Variants in HDAC4 observed in about 807,000 individuals in gnomAD.
The protein encoded by HDAC4 is histone deacetylase A.
HDAC4 carries 16 observed loss-of-function variants against 135.1 expected under a neutral mutation model. That is an observed-to-expected ratio of 0.12 (90% CI 0.08 to 0.18). The LOEUF is 0.18. Among genes scored for constraint, HDAC4 ranks in the 10% least tolerant of loss-of-function variants. HDAC4 has a pLI of 1.00. For missense variants in HDAC4, 1,143 were observed against 1,511.8 expected, an observed-to-expected ratio of 0.76 and a Z score of 4.05; for synonymous variants, 685 against 653.4, an observed-to-expected ratio of 1.05 and a Z score of -0.74.
chr2:239,111,023 CACAG>C (rs1294355477), intron 14 of HDAC4, among the ~76,000 whole-genome samples: 3 of 152,240 alleles, frequency 2.0e-5, no homozygotes, highest in Non-Finnish European at 4.4e-5. Context: ...TGAGGGATGG[CACAG>C]ACAGAGGACG....
chr2:239,212,634 G>A (rs1039000311), intron 3 of HDAC4, among the ~76,000 whole-genome samples: 1 of 152,222 alleles, frequency 6.6e-6, no homozygotes, highest in Non-Finnish European at 1.5e-5. Context: ...CAGGCTTGGT[G>A]CTATCAGGCT....
intron 13 of HDAC4, among the ~76,000 whole-genome samples, 153 bp from the exon 14 acceptor site, chr2:239,111,865 C>G (rs1207636975): frequency 6.6e-6 from 1 of 152,236 alleles, no homozygotes; most frequent in Non-Finnish European, 1.5e-5. Context: ...GTGGAGAGGC[C>G]TTCCCTGTGA....
At chr2:239,316,106 A>C (rs574653992) in intron 2 of HDAC4, among the ~76,000 whole-genome samples, 14 of 152,348 alleles carry the variant, frequency 9.2e-5, no homozygotes, top group African/African-American at 3.4e-4. Flanking sequence ...TTACAAACTG[A>C]AATATCCTTC....
At chr2:239,294,231 C>T (rs1444329175) in intron 2 of HDAC4, among the ~76,000 whole-genome samples, 1 of 152,144 alleles carries the variant, frequency 6.6e-6, no homozygotes, top group Non-Finnish European at 1.5e-5. Flanking sequence ...ACAAGGACCG[C>T]AATCACCAGG....
chr2:239,298,340 G>A, intron 2 of HDAC4: 5 of 1,209,820 alleles, frequency 4.1e-6, no homozygotes, highest in Non-Finnish European at 5.2e-6. Flanking sequence ...GATGAGAGAA[G>A]ATGCTTCCAG....
chr2:239,113,319 A>G (rs956239313), intron 13 of HDAC4, among the ~76,000 whole-genome samples: 2 of 152,140 alleles, frequency 1.3e-5, no homozygotes, highest in Non-Finnish European at 2.9e-5. Flanking sequence ...AGACAGTGGG[A>G]GGAGCTGCAG....
At position 239,094,342 on chromosome 2, in the gene HDAC4, G is replaced by A. The variant is rs572896276; in HGVS notation, c.2280+668C>T. On this transcript the variant is annotated intron_variant, in intron 17 of 26. Coordinates refer to ENST00000543185, the MANE Select transcript of HDAC4 (RefSeq NM_001378414.1). ...AAGACCTGACCCTTCCTGTGTGGACGGATGGGCAGATGCCCAGACTGGAAA... is the reference window on the plus strand; with the variant it reads ...AAGACCTGACCCTTCCTGTGTGGACAGATGGGCAGATGCCCAGACTGGAAA... 2.9e-5 allele frequency: 29 copies of A among 985,438 alleles called. No homozygotes were observed. In the East Asian group the frequency reaches 2.7e-3, roughly 93 times the overall value. The allele number at this position is 985,438 out of a possible 1,614,324, so 61.0% of individuals were successfully genotyped here. A position where few individuals can be genotyped will look rare whatever the true frequency, so the allele number is the denominator to read the frequency against.
chr2:239,094,188 C>T lies in HDAC4; in HGVS notation c.2280+822G>A, dbSNP rs562707893. 2.8e-4 allele frequency: 277 copies of T among 985,454 alleles called. 1 individual carries two copies. In the African/African-American group the frequency reaches 3.9e-3, roughly 14 times the overall value. The allele number at this position is 985,454 out of a possible 1,614,324, so 61.0% of individuals were successfully genotyped here. A position where few individuals can be genotyped will look rare whatever the true frequency, so the allele number is the denominator to read the frequency against. ...TCGCGGCACTGCAGGACCATGATGG[C>T]CCGGATCTGCTCGGACGCTCCGCCT... On this transcript the variant is annotated intron_variant, in intron 17 of 26. Coordinates refer to ENST00000543185, the MANE Select transcript of HDAC4 (RefSeq NM_001378414.1).
chr2:239,372,550 A>AT (rs1165870196), intron 1 of HDAC4, among the ~76,000 whole-genome samples: 1 of 152,216 alleles, frequency 6.6e-6, no homozygotes, highest in Non-Finnish European at 1.5e-5. Flanking sequence ...CGCACTCCAC[A>AT]CGCTGCTCTG....
At chr2:239,289,456 A>G (rs1314647029) in intron 2 of HDAC4, among the ~76,000 whole-genome samples, 1 of 152,256 alleles carries the variant, frequency 6.6e-6, no homozygotes, top group African/African-American at 2.4e-5. Context: ...TTTCCAGATC[A>G]AGGAAGTCGA....
At chr2:239,073,316 C>G (rs2152638036) in intron 22 of HDAC4, among the ~76,000 whole-genome samples, 1 of 152,310 alleles carries the variant, frequency 6.6e-6, no homozygotes, top group Non-Finnish European at 1.5e-5. Context: ...GAGCTGTGCC[C>G]CGAGGGCCAT....
At chr2:239,364,455 G>A (rs1694048222) in intron 1 of HDAC4, among the ~76,000 whole-genome samples, 1 of 152,186 alleles carries the variant, frequency 6.6e-6, no homozygotes, top group Non-Finnish European at 1.5e-5. Context: ...GGCTCCGTGT[G>A]CATAAAATGT....
chr2:239,371,507 TCA>T (rs1327615397), intron 1 of HDAC4, among the ~76,000 whole-genome samples: 12 of 151,784 alleles, frequency 7.9e-5, no homozygotes, highest in Non-Finnish European at 1.2e-4. Flanking sequence ...ACATGCATGC[TCA>T]CACACATAAC....
At chr2:239,210,310 T>TA (rs912730278) in intron 3 of HDAC4, among the ~76,000 whole-genome samples, 8 of 151,886 alleles carry the variant, frequency 5.3e-5, no homozygotes, top group South Asian at 2.1e-4. Flanking sequence ...AATGCTGAGT[T>TA]AAAAAAACAC....
At chr2:239,280,995 T>G (rs1476748016) in intron 2 of HDAC4, among the ~76,000 whole-genome samples, 1 of 126,624 alleles carries the variant, frequency 7.9e-6, no homozygotes, top group Non-Finnish European at 1.7e-5. Context: ...CTACACACAA[T>G]GTACACACCA....
In HDAC4 at chr2:239,331,442, G is replaced by T. The variant is rs904997734; in HGVS notation, c.22+21236C>A. ...AAAAGTGCTATAAGAGCTGCTCAAG[G>T]CTGCAGATATATTTCAGTCCACTTT... is the stretch of plus-strand genomic sequence containing the variant. On this transcript the variant is annotated intron_variant, in intron 2 of 26. Coordinates refer to ENST00000543185, the MANE Select transcript of HDAC4 (RefSeq NM_001378414.1). The surrounding 1 kb of genome is among the most constrained non-coding windows in gnomAD (Gnocchi z 4.5). Among the ~76,000 whole-genome samples the T allele has an allele frequency of 6.6e-6, 1 of 152,136 alleles. No homozygotes were observed. Among genetic ancestry groups the T allele is most frequent in the Non-Finnish European group, 1.5e-5 (1 of 68,030 alleles).
chr2:239,389,209 A>T (rs183429908), intron 1 of HDAC4, among the ~76,000 whole-genome samples: 2 of 152,278 alleles, frequency 1.3e-5, no homozygotes, highest in Admixed American at 6.5e-5. Context: ...GTGGGTGGGG[A>T]CAAATAACGG....
At chr2:239,236,448 A>C (rs1317326986) in intron 3 of HDAC4, 145 bp downstream of exon 3, 3 of 663,652 alleles carry the variant, frequency 4.5e-6, no homozygotes, top group Non-Finnish European at 8.2e-6. Context: ...TTTTACCACC[A>C]GGAAGAGCAC....
Position 239,308,242 on chromosome 2 carries a change from G to A in HDAC4, c.22+44436C>T, listed in dbSNP as rs2052702750. On this transcript the variant is annotated intron_variant, in intron 2 of 26. Coordinates refer to ENST00000543185, the MANE Select transcript of HDAC4 (RefSeq NM_001378414.1). The surrounding 1 kb of genome is among the most constrained non-coding windows in gnomAD (Gnocchi z 4.2). ...TTAGGGACAAGAGAGCTAGAGACCC[G>A]GGGGGGAGTCCACTGCCTTGGGGAC... 6.7e-6 allele frequency among the ~76,000 whole-genome samples: 1 copy of A among 149,934 alleles called. No homozygotes were observed. Among genetic ancestry groups the A allele is most frequent in the African/African-American group, 2.5e-5 (1 of 39,496 alleles).
Sources: allele counts gnomAD v4.1 joint callset (sites outside exome capture counted in the v4.1 genomes callset), GRCh38; gene constraint gnomAD v4.1.1; non-coding constraint Gnocchi (gnomAD v3.1); transcripts MANE v1.5; gene names NCBI Gene and HGNC (gene_info 2026-07-23, HGNC 2026-07-21).